Variants in PPFIA2 observed in about 807,000 individuals in gnomAD.
PPFIA2 encodes the protein PPFI scaffold protein A2, also known as liprin-alpha-2.
Under a neutral mutation model 175.5 loss-of-function variants are expected in PPFIA2, and 46 were observed. That is an observed-to-expected ratio of 0.26 (90% CI 0.21 to 0.34). PPFIA2 has a LOEUF of 0.34. Among genes scored for constraint, PPFIA2 ranks in the 10% least tolerant of loss-of-function variants. The pLI is 1.00. For missense variants in PPFIA2, 1,179 were observed against 1,506.1 expected, an observed-to-expected ratio of 0.78 and a Z score of 3.60; for synonymous variants, 568 against 511.4, an observed-to-expected ratio of 1.11 and a Z score of -1.49.
At position 81,422,142 on chromosome 12, in the gene PPFIA2, ATATATATGTGTG is replaced by A. The variant is rs1357330171; in HGVS notation, c.646-16251_646-16240del. ...TATATATGTGTGTATATATATGTGT[ATATATATGTGTG>A]TATATATATATATATATATGTCATT... On this transcript the variant is annotated intron_variant, in intron 7 of 32. Transcript: ENST00000549396. 2.6e-4 allele frequency among the ~76,000 whole-genome samples: 18 copies of A among 70,440 alleles called. No individual in the cohort carries two copies. The East Asian group carries it at 4.1e-3, about 16-fold the overall frequency. The allele number at this position is 70,440 out of a possible 152,430, so 46.2% of individuals were successfully genotyped here. A position where few individuals can be genotyped will look rare whatever the true frequency, so the allele number is the denominator to read the frequency against.
intron 7 of PPFIA2, among the ~76,000 whole-genome samples, chr12:81,434,574 G>A (rs1436792807): frequency 5.3e-5 from 8 of 152,030 alleles, no homozygotes; most frequent in Non-Finnish European, 2.9e-5. Context: ...AAAGCAGAGA[G>A]TTAAGACAAA....
At chr12:81,576,203 A>G (rs915545297) in intron 4 of PPFIA2, among the ~76,000 whole-genome samples, 2 of 151,706 alleles carry the variant, frequency 1.3e-5, no homozygotes, top group African/African-American at 2.4e-5. Context: ...AAAAGAATGG[A>G]TATTTGGAGG....
In PPFIA2 at chr12:81,374,679, A is replaced by C. The variant is rs752745379; in HGVS notation, c.1221T>G (p.Pro407=). ...QQTMRKAETL[P]EVEAELAQRI... Reference sequence around the variant, plus strand: ...TCTGAGCCAGTTCAGCCTCTACTTCAGGCAAGGTTTCAGCCTTTCTCATGG... The same window carrying C: ...TCTGAGCCAGTTCAGCCTCTACTTCCGGCAAGGTTTCAGCCTTTCTCATGG... The change falls in exon 11 of 33, where the codon CCT becomes CCG. Residue 407 remains proline, a synonymous_variant. Transcript: ENST00000549396. 3.7e-6 allele frequency: 6 copies of C among 1,613,404 alleles called. No individual in the cohort carries two copies. The highest frequency in any genetic ancestry group is 5.1e-6 in the Non-Finnish European group (6 of 1,179,556).
Position 81,741,384 on chromosome 12 carries a change from G to A in PPFIA2, c.249+12589C>T, listed in dbSNP as rs182370624. 1.8e-3 allele frequency among the ~76,000 whole-genome samples: 279 copies of A among 152,184 alleles called. 1 individual carries two copies. The highest frequency in any genetic ancestry group is 2.8e-3 in the Non-Finnish European group (193 of 67,996). ...TGATTTGCTAAACAAGCATAGAGTA[G>A]ATATGGAGAATGTACACAACAAGAA... On this transcript the variant is annotated intron_variant, in intron 3 of 32. Transcript: ENST00000549396.
At chr12:81,501,534 C>A (rs1286940224) in intron 4 of PPFIA2, among the ~76,000 whole-genome samples, 1 of 151,904 alleles carries the variant, frequency 6.6e-6, no homozygotes, top group Non-Finnish European at 1.5e-5. Flanking sequence ...TATTACAGAG[C>A]CTTAAAAGTA....
At chr12:81,334,075 G>T (rs1403684981) in intron 21 of PPFIA2, among the ~76,000 whole-genome samples, 2 of 152,140 alleles carry the variant, frequency 1.3e-5, no homozygotes, top group African/African-American at 4.8e-5. Flanking sequence ...AAGGACATTA[G>T]TCTGACATGG....
At chr12:81,341,265 A>C in intron 19 of PPFIA2, 57 bp from the exon 20 acceptor site, 1 of 1,538,730 alleles carries the variant, frequency 6.5e-7, no homozygotes. Context: ...GTTGAAATTG[A>C]CACAAATGGA....
chr12:81,528,095 C>A (rs2063958297), intron 4 of PPFIA2, among the ~76,000 whole-genome samples: 1 of 151,988 alleles, frequency 6.6e-6, no homozygotes, highest in African/African-American at 2.4e-5. Context: ...ATTCTATTAA[C>A]CTCATTATTT....
chr12:81,538,718 G>A (rs992340653), intron 4 of PPFIA2, among the ~76,000 whole-genome samples: 6 of 151,888 alleles, frequency 4.0e-5, no homozygotes, highest in African/African-American at 1.4e-4. Context: ...GGAACAGGAT[G>A]GGGGCTGGTG....
At chr12:81,664,596 A>G (rs968243119) in intron 4 of PPFIA2, among the ~76,000 whole-genome samples, 2 of 152,120 alleles carry the variant, frequency 1.3e-5, no homozygotes, top group Non-Finnish European at 2.9e-5. Flanking sequence ...GTGGGACTGT[A>G]AACTAGTTCA....
intron 28 of PPFIA2, among the ~76,000 whole-genome samples, chr12:81,272,096 G>A (rs756633997): frequency 2.6e-5 from 4 of 151,848 alleles, no homozygotes; most frequent in Non-Finnish European, 4.4e-5. Flanking sequence ...ATTATGTTGC[G>A]CCATTGAAAT....
intron 4 of PPFIA2, among the ~76,000 whole-genome samples, chr12:81,467,196 C>G (rs943688036): frequency 6.6e-6 from 1 of 152,042 alleles, no homozygotes; most frequent in Admixed American, 6.6e-5. Flanking sequence ...AGTAAAAATA[C>G]TCAGCACATT....
At position 81,753,976 on chromosome 12, in the gene PPFIA2, T is replaced by A. The variant is rs2084249671; in HGVS notation, c.246A>T (p.Pro82=). 17 of 1,613,584 alleles carry A rather than the reference T, an allele frequency of 1.1e-5. No individual in the cohort carries two copies. The highest frequency in any genetic ancestry group is 1.4e-5 in the Non-Finnish European group (17 of 1,179,716). ...SLQRQLNSAL[P]QDIESLTGGL... ...CAAAGGCTACCAGGAAGCATACCTGTGGCAGGGCTGAATTGAGCTGTCTCT... is the reference window on the plus strand; with the variant it reads ...CAAAGGCTACCAGGAAGCATACCTGAGGCAGGGCTGAATTGAGCTGTCTCT... Residue 82 remains proline, a synonymous_variant, in exon 3 of 33, where the codon CCA becomes CCT. Transcript: ENST00000549396.
chr12:81,494,172 A>G (rs1260911674), intron 4 of PPFIA2, among the ~76,000 whole-genome samples: 2 of 152,136 alleles, frequency 1.3e-5, no homozygotes, highest in South Asian at 2.1e-4. Flanking sequence ...CAAAATGGGA[A>G]AAAATTTTCG....
chr12:81,389,000 A>G (rs1368588539), intron 8 of PPFIA2, among the ~76,000 whole-genome samples: 2 of 151,636 alleles, frequency 1.3e-5, no homozygotes, highest in African/African-American at 2.4e-5. Context: ...GACAACCACT[A>G]ACTACTTTCT....
chr12:81,679,138 A>T (rs2073130191), intron 3 of PPFIA2, among the ~76,000 whole-genome samples: 1 of 151,930 alleles, frequency 6.6e-6, no homozygotes, highest in South Asian at 2.1e-4. Context: ...AATGAACAAC[A>T]TTAGGTAGTA....
intron 3 of PPFIA2, among the ~76,000 whole-genome samples, chr12:81,705,926 T>A (rs900506927): frequency 3.3e-5 from 5 of 152,354 alleles, no homozygotes; most frequent in African/African-American, 1.2e-4. Flanking sequence ...GATAGGTATT[T>A]AGCACTTGAA....
At chr12:81,690,053 T>C (rs2075036378) in intron 3 of PPFIA2, among the ~76,000 whole-genome samples, 1 of 152,132 alleles carries the variant, frequency 6.6e-6, no homozygotes, top group Non-Finnish European at 1.5e-5. Context: ...GGTTCTGGTA[T>C]GTACTGGTTT....
At chr12:81,283,762 T>C (rs980962908) in intron 25 of PPFIA2, among the ~76,000 whole-genome samples, 4 of 152,130 alleles carry the variant, frequency 2.6e-5, no homozygotes, top group Admixed American at 1.3e-4. Flanking sequence ...AAATTGTGCT[T>C]TTCAGTACCA....
Sources: gnomAD v4.1 joint callset for allele counts (sites outside exome capture counted in the v4.1 genomes callset) on GRCh38, gnomAD v4.1.1 for gene constraint, MANE v1.5 for transcripts, NCBI Gene and HGNC (gene_info 2026-07-23, HGNC 2026-07-21) for gene names.